Variants in LHPP observed in about 807,000 individuals in gnomAD.
The protein encoded by LHPP is hLHPP.
A neutral mutation model predicts 30.3 loss-of-function variants in LHPP; 24 were observed. The observed-to-expected ratio is 0.79, with a 90% CI of 0.57 to 1.11. LHPP has a LOEUF of 1.11. Among genes scored for constraint, LHPP ranks in the 50% most tolerant of loss-of-function variants. The pLI is 0.00. For synonymous variants in LHPP, 150 were observed against 157.1 expected (o/e 0.95, Z 0.34); for missense variants, 356 against 367.2 (o/e 0.97, Z 0.25).
chr10:124,612,508 T>TCCTG (rs971222514), intron 6 of LHPP, among the ~76,000 whole-genome samples: 2 of 152,014 alleles, frequency 1.3e-5, no homozygotes, highest in African/African-American at 4.8e-5. Flanking sequence ...TACCCGTAGC[T>TCCTG]CCTGCCTGCC....
At chr10:124,484,060 G>T (rs79807146) in intron 1 of LHPP, 79 bp from the exon 2 acceptor site, 3 of 1,408,918 alleles carry the variant, frequency 2.1e-6, no homozygotes, top group Non-Finnish European at 2.9e-6. Flanking sequence ...GATGCCCTTC[G>T]AGAATCACCG....
Position 124,596,396 on chromosome 10 carries a change from T to C in LHPP, c.717-16868T>C, listed in dbSNP as rs570422677. On this transcript the variant is annotated intron_variant, in intron 6 of 6. Coordinates refer to ENST00000368842, the MANE Select transcript of LHPP (RefSeq NM_022126.4). This position sits in a 1 kb window ranked among gnomAD's most constrained non-coding sequence, Gnocchi z 4.6. ...GCCTCGCTGAGTTCCCATAGCACCA[T>C]GTCTTCTGCAGCACACGATGTGGCC... Among the ~76,000 whole-genome samples the C allele has an allele frequency of 8.5e-4, 129 of 152,344 alleles. No individual in the cohort carries two copies. Among genetic ancestry groups the C allele is most frequent in the African/African-American group, 2.9e-3 (120 of 41,578 alleles).
At chr10:124,476,107 C>T (rs753401548) in intron 1 of LHPP, among the ~76,000 whole-genome samples, 3 of 151,954 alleles carry the variant, frequency 2.0e-5, no homozygotes, top group Non-Finnish European at 2.9e-5. Flanking sequence ...GGGTGTGCTG[C>T]GTGTTTTATA....
intron 6 of LHPP, among the ~76,000 whole-genome samples, chr10:124,598,945 ATCCATCTCCATCTATCCATCTCTGTCCT>A (rs918872558): frequency 2.0e-5 from 3 of 148,340 alleles, no homozygotes; most frequent in African/African-American, 7.6e-5. Context: ...ATCCCCGTCC[ATCCATCTCCATCTATCCATCTCTGTCCT>A]TCCATCTCCA....
chr10:124,489,526 C>T (rs1368277884), intron 3 of LHPP, among the ~76,000 whole-genome samples: 3 of 152,178 alleles, frequency 2.0e-5, no homozygotes, highest in Non-Finnish European at 4.4e-5. Context: ...GTGATCTCGG[C>T]TCGCTGCAAC....
chr10:124,564,441 G>A (rs1260951168), intron 6 of LHPP, among the ~76,000 whole-genome samples: 2 of 150,734 alleles, frequency 1.3e-5, no homozygotes, highest in African/African-American at 4.9e-5. Context: ...TTTTTATAGA[G>A]ACGAGTCTCA....
intron 6 of LHPP, among the ~76,000 whole-genome samples, chr10:124,529,858 CTT>C (rs1269952142): frequency 2.0e-5 from 3 of 152,212 alleles, no homozygotes; most frequent in Non-Finnish European, 2.9e-5. Context: ...CACGCACTCT[CTT>C]TGCCTGTGGG....
At chr10:124,518,511 T>G (rs1293706808) in intron 6 of LHPP, among the ~76,000 whole-genome samples, 2 of 152,208 alleles carry the variant, frequency 1.3e-5, no homozygotes, top group Admixed American at 6.5e-5. Context: ...GCGTCAGCCG[T>G]CAGGAGCCCA....
chr10:124,505,027 G>A (rs1388941481), intron 5 of LHPP, among the ~76,000 whole-genome samples: 1 of 152,030 alleles, frequency 6.6e-6, no homozygotes, highest in Non-Finnish European at 1.5e-5. Flanking sequence ...TCCTCTGGTG[G>A]CTCCGAGCAT....
intron 6 of LHPP, among the ~76,000 whole-genome samples, chr10:124,548,043 GTCA>G (rs1955396290): frequency 6.6e-6 from 1 of 152,210 alleles, no homozygotes; most frequent in South Asian, 2.1e-4. Context: ...GAGTTCTCCG[GTCA>G]GCAAGCTCCC....
intron 6 of LHPP, among the ~76,000 whole-genome samples, chr10:124,566,654 C>T (rs770001469): frequency 2.6e-5 from 4 of 152,046 alleles, no homozygotes; most frequent in Non-Finnish European, 5.9e-5. Context: ...CACACGTCTG[C>T]CTTTTGGGGT....
At chr10:124,539,958 A>C (rs1005806213) in intron 6 of LHPP, among the ~76,000 whole-genome samples, 8 of 152,154 alleles carry the variant, frequency 5.3e-5, no homozygotes, top group African/African-American at 1.9e-4. Context: ...GGGAGACCAG[A>C]ATGAGATATC....
chr10:124,534,231 C>T (rs946861238), intron 6 of LHPP, among the ~76,000 whole-genome samples: 1 of 152,234 alleles, frequency 6.6e-6, no homozygotes, highest in South Asian at 2.1e-4. Flanking sequence ...CGGCCCATGC[C>T]GGGAATTTGG....
intron 5 of LHPP, among the ~76,000 whole-genome samples, chr10:124,508,154 T>A (rs1254109259): frequency 6.6e-6 from 1 of 152,008 alleles, no homozygotes; most frequent in African/African-American, 2.4e-5. Flanking sequence ...TCTGTCCACA[T>A]GGGGGCCACT....
chr10:124,608,408 C>T (rs963534939), intron 6 of LHPP, among the ~76,000 whole-genome samples: 2 of 152,200 alleles, frequency 1.3e-5, no homozygotes, highest in African/African-American at 2.4e-5. Context: ...GCCACAACAG[C>T]GCCCACACCC....
chr10:124,604,892 C>T (rs1363094372), intron 6 of LHPP, among the ~76,000 whole-genome samples: 1 of 152,246 alleles, frequency 6.6e-6, no homozygotes, highest in Non-Finnish European at 1.5e-5. Flanking sequence ...CCTGCCCCTT[C>T]CCCTGCCCCT....
intron 5 of LHPP, among the ~76,000 whole-genome samples, chr10:124,500,382 G>T (rs1419683903): frequency 6.6e-6 from 1 of 152,004 alleles, no homozygotes; most frequent in African/African-American, 2.4e-5. Flanking sequence ...TGAGGCAGGA[G>T]AATTGCTTGA....
At chr10:124,462,468 G>C (rs1952432263) in intron 1 of LHPP, among the ~76,000 whole-genome samples, 1 of 151,790 alleles carries the variant, frequency 6.6e-6, no homozygotes, top group Non-Finnish European at 1.5e-5. Context: ...GGTGGTGCAC[G>C]CCTGTAGGCC....
chr10:124,553,441 CA>C (rs1811418730), intron 6 of LHPP, among the ~76,000 whole-genome samples: 1 of 141,942 alleles, frequency 7.0e-6, no homozygotes, highest in Non-Finnish European at 1.5e-5. Context: ...GCCAGGATTA[CA>C]GCCATTCTTT....
Sources: gnomAD v4.1 joint callset for allele counts (sites outside exome capture counted in the v4.1 genomes callset) on GRCh38, gnomAD v4.1.1 for gene constraint, Gnocchi (gnomAD v3.1) non-coding constraint, MANE v1.5 for transcripts, NCBI Gene and HGNC (gene_info 2026-07-23, HGNC 2026-07-21) for gene names.